CFAP61: variants seen among roughly 807,000 people sequenced by gnomAD.
CFAP61 encodes the protein cilia and flagella associated protein 61.
CFAP61 carries 107 observed loss-of-function variants against 135.6 expected under a neutral mutation model. That is an observed-to-expected ratio of 0.79 (90% CI 0.67 to 0.93). The LOEUF is 0.93. Among genes scored for constraint, CFAP61 ranks in the 40% least tolerant of loss-of-function variants. The pLI is 0.00. For missense variants in CFAP61, 1,507 were observed against 1,556.2 expected (o/e 0.97, Z 0.53); for synonymous variants, 575 against 578.5 (o/e 0.99, Z 0.09).
intron 25 of CFAP61, among the ~76,000 whole-genome samples, chr20:20,299,424 G>C (rs939123481): frequency 6.6e-6 from 1 of 152,166 alleles, no homozygotes; most frequent in Non-Finnish European, 1.5e-5. Flanking sequence ...TCAGTTGCAA[G>C]TACTCATCCC....
At chr20:20,354,073 G>A (rs971035384) in intron 26 of CFAP61, among the ~76,000 whole-genome samples, 1 of 152,124 alleles carries the variant, frequency 6.6e-6, no homozygotes, top group African/African-American at 2.4e-5. Flanking sequence ...ATGAACCTAA[G>A]TGTTCATCAA....
chr20:20,252,372 G>A (rs1907453779), intron 20 of CFAP61, among the ~76,000 whole-genome samples: 1 of 152,176 alleles, frequency 6.6e-6, no homozygotes, highest in Non-Finnish European at 1.5e-5. Context: ...TAATATGCAT[G>A]AGTGTTTCAT....
chr20:20,282,705 T>A (rs2424322), intron 22 of CFAP61, among the ~76,000 whole-genome samples: 3 of 152,130 alleles, frequency 2.0e-5, no homozygotes, highest in African/African-American at 2.4e-5. Context: ...TTGGGAGACC[T>A]AAGTGGGCAG....
rs564959559 is a variant in CFAP61 at position 20,059,058 on chromosome 20, C to T, written c.143+2262C>T. Among the ~76,000 whole-genome samples, 4 of 152,236 alleles carry T rather than the reference C, an allele frequency of 2.6e-5. No individual in the cohort carries two copies. In the East Asian group the frequency reaches 7.7e-4, roughly 29 times the overall value. ...AAAGATGATTAAAGAAGGCCGGACA[C>T]AGTGGCTCATGCCTGTAATCCCAGC... On this transcript the variant is annotated intron_variant, in intron 2 of 26. Coordinates refer to ENST00000245957, the MANE Select transcript of CFAP61 (RefSeq NM_015585.4).
chr20:20,192,730 T>G (rs2146878294), intron 15 of CFAP61, among the ~76,000 whole-genome samples: 1 of 152,286 alleles, frequency 6.6e-6, no homozygotes, highest in East Asian at 1.9e-4. Flanking sequence ...GACACAGTTC[T>G]AGACGTTGAT....
At chr20:20,064,032 ACCGCCCCCCAC>A (rs1248291119) in intron 2 of CFAP61, among the ~76,000 whole-genome samples, 1 of 113,222 alleles carries the variant, frequency 8.8e-6, no homozygotes, top group Non-Finnish European at 2.0e-5. Flanking sequence ...AAATAGAGTA[ACCGCCCCCCAC>A]CCCGCCTTAT....
At chr20:20,146,119 T>C (rs568958012) in intron 9 of CFAP61, among the ~76,000 whole-genome samples, 1 of 152,246 alleles carries the variant, frequency 6.6e-6, no homozygotes, top group East Asian at 1.9e-4. Flanking sequence ...AGGGAAGTGC[T>C]CTCTGGATGC....
In CFAP61 at chr20:20,306,688, C is replaced by T. The variant is rs540955299; in HGVS notation, c.3422+8302C>T. ...TAACTCTCCACCAGGATTCCCCCCA[C>T]CCACTGAGTCAACGTGCACTCCCAC... is the stretch of plus-strand genomic sequence containing the variant. On this transcript the variant is annotated intron_variant, in intron 25 of 26. Coordinates refer to ENST00000245957, the MANE Select transcript of CFAP61 (RefSeq NM_015585.4). 2.3e-3 allele frequency among the ~76,000 whole-genome samples: 354 copies of T among 152,304 alleles called. 1 individual carries two copies. Among genetic ancestry groups the T allele is most frequent in the Non-Finnish European group, 4.1e-3 (280 of 68,024 alleles).
chr20:20,139,719 T>C (rs917300591), intron 8 of CFAP61, among the ~76,000 whole-genome samples: 2 of 152,182 alleles, frequency 1.3e-5, no homozygotes, highest in African/African-American at 4.8e-5. Flanking sequence ...AGTAATAAAC[T>C]GCAACACCTC....
chr20:20,197,114 C>T (rs909711242), intron 16 of CFAP61, among the ~76,000 whole-genome samples: 1 of 152,168 alleles, frequency 6.6e-6, no homozygotes, highest in Non-Finnish European at 1.5e-5. Context: ...CAACATGATC[C>T]TATTCTGTTC....
At chr20:20,106,588 T>C (rs2048422033) in intron 8 of CFAP61, among the ~76,000 whole-genome samples, 2 of 152,228 alleles carry the variant, frequency 1.3e-5, no homozygotes, top group African/African-American at 4.8e-5. Context: ...AAAGTGGCTT[T>C]ATTTATATTC....
intron 25 of CFAP61, among the ~76,000 whole-genome samples, chr20:20,312,157 C>T (rs1179382718): frequency 1.3e-5 from 2 of 152,024 alleles, no homozygotes; most frequent in Non-Finnish European, 2.9e-5. Flanking sequence ...GGCAAAGAAA[C>T]AAGAAAATAC....
At chr20:20,052,720 G>C (rs1368278260) in intron 1 of CFAP61, 129 bp downstream of exon 1, 10 of 1,606,438 alleles carry the variant, frequency 6.2e-6, no homozygotes, top group Non-Finnish European at 8.5e-6. Flanking sequence ...GAGCCGTGGC[G>C]CCCTGCAAGG....
At chr20:20,343,027 A>T (rs890869998) in intron 26 of CFAP61, among the ~76,000 whole-genome samples, 3 of 151,932 alleles carry the variant, frequency 2.0e-5, no homozygotes, top group African/African-American at 7.3e-5. Flanking sequence ...CACCCAGCTA[A>T]TTTTTGTATT....
At chr20:20,275,358 GAA>G (rs1462202341) in intron 21 of CFAP61, among the ~76,000 whole-genome samples, 2 of 152,182 alleles carry the variant, frequency 1.3e-5, no homozygotes, top group African/African-American at 4.8e-5. Context: ...TAAGATAACC[GAA>G]GTCTCATATT....
intron 1 of CFAP61, chr20:20,056,051 G>A: frequency 2.7e-6 from 4 of 1,475,512 alleles, no homozygotes; most frequent in Non-Finnish European, 3.7e-6. Context: ...GGAAAGGCTG[G>A]GTTATACAAA....
At chr20:20,086,996 A>G (rs1242199979) in intron 6 of CFAP61, among the ~76,000 whole-genome samples, 2 of 152,146 alleles carry the variant, frequency 1.3e-5, no homozygotes, top group African/African-American at 2.4e-5. Flanking sequence ...AGGAGGGAAG[A>G]TGGTGAAGTC....
In CFAP61 at chr20:20,341,862, T is replaced by C. The variant is rs1172767453; in HGVS notation, c.3454T>C (p.Phe1152Leu). ...YFTEPWCLAL[F>L]HDRFIDLRKE... ...CACCGAGCCGTGGTGCCTGGCCCTG[T>C]TCCACGATCGTTTTATTGATCTCAG... The change falls in exon 26 of 27, where the codon TTC becomes CTC. Residue 1152 changes from phenylalanine (F) to leucine (L), a missense_variant. By Grantham distance (22) the Phe-to-Leu change is conservative. Transcript: ENST00000245957. 5 of 1,613,806 alleles carry C rather than the reference T, an allele frequency of 3.1e-6. No homozygotes were observed. In the South Asian group the frequency reaches 3.3e-5, roughly 11 times the overall value.
chr20:20,116,872 G>A (rs999361028), intron 8 of CFAP61, among the ~76,000 whole-genome samples: 2 of 151,266 alleles, frequency 1.3e-5, no homozygotes, highest in Non-Finnish European at 2.9e-5. Context: ...TTTCACATTT[G>A]TTATACTCCT....
Sources: allele counts gnomAD v4.1 joint callset (sites outside exome capture counted in the v4.1 genomes callset), GRCh38; gene constraint gnomAD v4.1.1; transcripts MANE v1.5; gene names NCBI Gene and HGNC (gene_info 2026-07-23, HGNC 2026-07-21).